CCDC88C: variants seen among roughly 807,000 people sequenced by gnomAD.
The protein encoded by CCDC88C is protein Daple.
A neutral mutation model predicts 198.8 loss-of-function variants in CCDC88C; 131 were observed. The observed-to-expected ratio is 0.66, with a 90% CI of 0.57 to 0.76. The LOEUF (loss-of-function observed/expected upper bound fraction) is 0.76, where lower values mean the gene tolerates loss of function less well. Among genes scored for constraint, CCDC88C ranks in the 30% least tolerant of loss-of-function variants. The pLI is 0.00. For missense variants in CCDC88C, 2,553 were observed against 2,631.6 expected (o/e 0.97, Z 0.65); for synonymous variants, 1,166 against 1,114.7 (o/e 1.05, Z -0.92).
Position 91,324,777 on chromosome 14 carries a change from A to G in CCDC88C, c.1342+2T>C. 6.2e-7 allele frequency: 1 copy of G among 1,610,208 alleles called. No homozygotes were observed. Among genetic ancestry groups the G allele is most frequent in the Non-Finnish European group, 8.5e-7 (1 of 1,179,864 alleles). ...GGCTCCCCGGCACCAGGCGCTACCT[A>G]CCGTCTGACAAGTCTGCGTTCTTGG... On this transcript the variant is annotated splice_donor_variant, in intron 12 of 29. Transcript: ENST00000389857. LOFTEE classifies it high-confidence loss of function.
chr14:91,392,444 G>C (rs147666703), intron 3 of CCDC88C, among the ~76,000 whole-genome samples: 7 of 152,176 alleles, frequency 4.6e-5, no homozygotes, highest in African/African-American at 1.4e-4. Context: ...CCTTTTCAAG[G>C]GGAAAGAGAA....
intron 2 of CCDC88C, among the ~76,000 whole-genome samples, chr14:91,415,435 AAGG>A (rs1054937886): frequency 6.6e-6 from 1 of 152,184 alleles, no homozygotes; most frequent in Non-Finnish European, 1.5e-5. Context: ...ATTAAAATAA[AAGG>A]AGGCCGGGCA....
intron 4 of CCDC88C, among the ~76,000 whole-genome samples, chr14:91,359,263 G>C (rs549005519): frequency 1.6e-5 from 2 of 125,840 alleles, no homozygotes; most frequent in Non-Finnish European, 3.4e-5. Context: ...CCATTCTCCT[G>C]CCTCAGCCTC....
chr14:91,273,284 C>T lies in CCDC88C; in HGVS notation c.5428G>A (p.Ala1810Thr), dbSNP rs759344706. The change falls in exon 30 of 30, where the codon GCT (alanine) becomes ACT (threonine). Residue 1810 changes from alanine (A) to threonine (T), a missense_variant. By Grantham distance (58) the Ala-to-Thr change is moderately conservative (BLOSUM62 0). Coordinates refer to ENST00000389857, the MANE Select transcript of CCDC88C (RefSeq NM_001080414.4). The surrounding 1 kb of genome is among the most constrained non-coding windows in gnomAD (Gnocchi z 5.6). ...SLSRAFSLAS[A>T]DLLRASGPEA... ...GGCCCGCTGGCCCGGAGAAGGTCAG[C>T]TGAGGCCAGGCTGAAGGCCCGGCTC... The T allele has an allele frequency of 3.8e-6, 6 of 1,559,634 alleles. No homozygotes were observed. Among genetic ancestry groups the T allele is most frequent in the Non-Finnish European group, 5.2e-6 (6 of 1,151,310 alleles).
Position 91,294,301 on chromosome 14 carries a change from C to T in CCDC88C, c.3984G>A (p.Lys1328=). 2 of 1,613,968 alleles carry T rather than the reference C, an allele frequency of 1.2e-6. No individual in the cohort carries two copies. The highest frequency in any genetic ancestry group is 1.7e-6 in the Non-Finnish European group (2 of 1,179,882). The change falls in exon 23 of 30, where the codon AAG becomes AAA. Residue 1328 remains lysine (K), a synonymous_variant. Coordinates refer to ENST00000389857, the MANE Select transcript of CCDC88C (RefSeq NM_001080414.4). ...GATGATTTTCTTCCTCCAAGTTCCCCTTGAGACGGGAGAGCAGCTAGAACA... is the reference window on the plus strand; with the variant it reads ...GATGATTTTCTTCCTCCAAGTTCCCTTTGAGACGGGAGAGCAGCTAGAACA... The part of the protein sequence containing the change: ...DNHCELLSRL[K]GNLEEENHHL...
chr14:91,365,961 G>C (rs1338403477), intron 3 of CCDC88C, among the ~76,000 whole-genome samples: 1 of 151,878 alleles, frequency 6.6e-6, no homozygotes, highest in Admixed American at 6.6e-5. Context: ...GTTGAAAAAA[G>C]AAAACAAAAC....
intron 4 of CCDC88C, among the ~76,000 whole-genome samples, chr14:91,357,487 C>T (rs1024474529): frequency 3.3e-5 from 5 of 152,238 alleles, no homozygotes; most frequent in Middle Eastern, 3.2e-3. Flanking sequence ...TTGTAACGCA[C>T]GTTCAGTGCC....
chr14:91,401,411 C>T (rs534656562), intron 3 of CCDC88C, among the ~76,000 whole-genome samples: 82 of 150,102 alleles, frequency 5.5e-4, no homozygotes, highest in East Asian at 4.9e-3. Flanking sequence ...CTTGGCTCAC[C>T]GCAACCTCTG....
intron 19 of CCDC88C, among the ~76,000 whole-genome samples, chr14:91,304,430 T>C (rs1891474003): frequency 6.6e-6 from 1 of 151,588 alleles, no homozygotes; most frequent in Non-Finnish European, 1.5e-5. Context: ...AAAAAAAAAG[T>C]ATTTTTAACT....
At chr14:91,294,134 G>A in intron 23 of CCDC88C, 39 bp downstream of exon 23, 2 of 1,610,056 alleles carry the variant, frequency 1.2e-6, no homozygotes, top group East Asian at 2.2e-5. Context: ...TGCAGCTGTG[G>A]TGAGGGTGCG....
chr14:91,402,669 G>A (rs890259363), intron 3 of CCDC88C, among the ~76,000 whole-genome samples: 3 of 152,154 alleles, frequency 2.0e-5, no homozygotes, highest in African/African-American at 7.2e-5. Context: ...AGTGGCTGCT[G>A]GGAACGTCTA....
At chr14:91,306,014 A>C (rs1351476137) in intron 18 of CCDC88C, 88 bp from the exon 19 acceptor site, 1 of 1,411,180 alleles carries the variant, frequency 7.1e-7, no homozygotes, top group South Asian at 1.2e-5. Flanking sequence ...CGAACCCTCA[A>C]AAGTTGATGT....
chr14:91,417,645 G>T lies in CCDC88C; in HGVS notation c.46C>A (p.Pro16Thr). 3.1e-6 allele frequency: 5 copies of T among 1,591,612 alleles called. No individual in the cohort carries two copies. Among genetic ancestry groups the T allele is most frequent in the Non-Finnish European group, 4.3e-6 (5 of 1,171,500 alleles). The change falls in exon 1 of 30, where the codon CCG (proline) becomes ACG (threonine). Residue 16 changes from proline (P) to threonine (T), a missense_variant. Pro to Thr is a conservative substitution (Grantham distance 38). Around this residue, in one of 2 missense-constraint regions of CCDC88C, gnomAD observed 1,260 missense variants for 1,412.0 expected, o/e 0.89. Coordinates refer to ENST00000389857, the MANE Select transcript of CCDC88C (RefSeq NM_001080414.4). ...GGCGCACTCACCCAGGTCACCAGCG[G>T]GCTCTGCAGGAAGAGCTCCAGGAGC... ...SELLELFLQS[P>T]LVTWVKTFGP...
intron 24 of CCDC88C, among the ~76,000 whole-genome samples, chr14:91,290,734 G>A (rs938017448): frequency 6.6e-6 from 1 of 152,156 alleles, no homozygotes; most frequent in Middle Eastern, 3.2e-3. Flanking sequence ...CCAGGACCAC[G>A]GATGCTCTGC....
chr14:91,323,892 G>C (rs1333635616), intron 12 of CCDC88C, among the ~76,000 whole-genome samples: 2 of 152,254 alleles, frequency 1.3e-5, no homozygotes, highest in African/African-American at 2.4e-5. Flanking sequence ...CAGATTCACA[G>C]TGAAACTGGT....
chr14:91,294,477 T>C (rs1412059211), intron 22 of CCDC88C, among the ~76,000 whole-genome samples, 159 bp from the exon 23 acceptor site: 3 of 152,348 alleles, frequency 2.0e-5, no homozygotes, highest in Admixed American at 6.5e-5. Flanking sequence ...GCCAATAACG[T>C]GGGAATGGCT....
intron 6 of CCDC88C, among the ~76,000 whole-genome samples, chr14:91,341,589 T>G (rs1346004841): frequency 6.6e-6 from 1 of 152,218 alleles, no homozygotes; most frequent in Non-Finnish European, 1.5e-5. Flanking sequence ...CTTCATGTAT[T>G]TATCTCATCT....
Position 91,305,919 on chromosome 14 carries a change from G to A in CCDC88C, c.3203C>T (p.Ala1068Val), listed in dbSNP as rs768299896. The stretch of plus-strand genomic sequence containing the variant: ...TAGCAGCTGCTTCTCAGCCTGCAGA[G>A]CTGCATTCTAGAAGATCGGGAGGCA... ...RAIELERNNA[A>V]LQAEKQLLKE... Residue 1068 changes from alanine to valine, a missense_variant, in exon 19 of 30, where the codon GCT (alanine) becomes GTT (valine). Transcript: ENST00000389857. 1.3e-5 allele frequency: 21 copies of A among 1,613,094 alleles called. No homozygotes were observed. Among genetic ancestry groups the A allele is most frequent in the Admixed American group, 6.7e-5 (4 of 59,984 alleles).
chr14:91,305,714 G>C lies in CCDC88C; in HGVS notation c.3357+51C>G, dbSNP rs868090390. The stretch of plus-strand genomic sequence containing the variant: ...CCCCAGTTGGTCCCCAGGAGCCACA[G>C]ATAAACATCCCGCCAGGCTTGTGAC... On this transcript the variant is annotated intron_variant, in intron 19 of 29. Transcript: ENST00000389857. 40 of 1,558,282 alleles carry C rather than the reference G, an allele frequency of 2.6e-5. No homozygotes were observed. In the African/African-American group the frequency reaches 4.2e-4, roughly 16 times the overall value.
Sources: gnomAD v4.1 joint callset for allele counts (sites outside exome capture counted in the v4.1 genomes callset) on GRCh38, gnomAD v4.1.1 for gene constraint, gnomAD v4.1.1 regional missense constraint, Gnocchi (gnomAD v3.1) non-coding constraint, MANE v1.5 for transcripts, NCBI Gene and HGNC (gene_info 2026-07-23, HGNC 2026-07-21) for gene names.